PLBD1: variants seen among roughly 807,000 people sequenced by gnomAD.
PLBD1 encodes lysosomal leucine aminopeptidase.
PLBD1 carries 60 observed loss-of-function variants against 63.0 expected under a neutral mutation model. The observed-to-expected ratio is 0.95, with a 90% CI of 0.77 to 1.18. The LOEUF is 1.18. Ranked by LOEUF, PLBD1 falls within the 50% of genes most tolerant of loss-of-function variation. The pLI is 0.00. For synonymous variants in PLBD1, 262 were observed against 248.0 expected (o/e 1.06, Z -0.53); for missense variants, 598 against 677.9 (o/e 0.88, Z 1.31).
intron 6 of PLBD1, among the ~76,000 whole-genome samples, chr12:14,533,494 A>G (rs1945484239): frequency 6.6e-6 from 1 of 152,208 alleles, no homozygotes; most frequent in Non-Finnish European, 1.5e-5. Context: ...TCATAAGAAA[A>G]TCTTCCATGA....
chr12:14,530,829 TG>T lies in PLBD1; in HGVS notation c.844+4829del, dbSNP rs564358568. Among the ~76,000 whole-genome samples the T allele has an allele frequency of 7.7e-3, 1,170 of 152,300 alleles. 9 individuals carry two copies. Among genetic ancestry groups the T allele is most frequent in the Middle Eastern group, 0.024 (7 of 294 alleles). ...TGCATTGCCAAAATAAGTAAATGTG[TG>T]GGGAGGGCTAGTGCAAGGCTTCTCC... On this transcript the variant is annotated intron_variant, in intron 6 of 10. Transcript: ENST00000240617.
chr12:14,528,939 C>G (rs1945438824), intron 6 of PLBD1, among the ~76,000 whole-genome samples: 1 of 152,064 alleles, frequency 6.6e-6, no homozygotes, highest in African/African-American at 2.4e-5. Flanking sequence ...TGAAATAGTT[C>G]TGTAGCAGTG....
intron 1 of PLBD1, among the ~76,000 whole-genome samples, chr12:14,566,258 G>C (rs1273631735): frequency 6.6e-6 from 1 of 152,156 alleles, no homozygotes; most frequent in African/African-American, 2.4e-5. Context: ...AAAATCACGA[G>C]TCAGGAGCCT....
At chr12:14,537,229 C>T (rs1592003219) in intron 4 of PLBD1, among the ~76,000 whole-genome samples, 2 of 152,038 alleles carry the variant, frequency 1.3e-5, no homozygotes, top group Admixed American at 1.3e-4. Flanking sequence ...TTTGATAGCC[C>T]CAGAATTTGG....
intron 10 of PLBD1, 38 bp from the exon 11 acceptor site, chr12:14,503,992 T>C (rs1945227242): frequency 3.2e-6 from 5 of 1,555,220 alleles, no homozygotes; most frequent in Middle Eastern, 1.7e-4. Context: ...TAGAAAATCA[T>C]CGTTCAGCAA....
intron 5 of PLBD1, 57 bp downstream of exon 5, chr12:14,536,513 T>G (rs112136886): frequency 0.012 from 19,177 of 1,582,780 alleles, 294 homozygotes; most frequent in African/African-American, 0.072. Context: ...ACTTGGGCGC[T>G]ATATAGAAAA....
chr12:14,542,522 GTTA>G (rs1459579672), intron 2 of PLBD1, among the ~76,000 whole-genome samples: 5 of 151,844 alleles, frequency 3.3e-5, no homozygotes, highest in African/African-American at 1.2e-4. Flanking sequence ...ACTTTATTAA[GTTA>G]TTATATTTTG....
At chr12:14,506,073 G>A (rs1040985749) in intron 10 of PLBD1, 89 bp downstream of exon 10, 6 of 791,948 alleles carry the variant, frequency 7.6e-6, no homozygotes, top group Non-Finnish European at 7.9e-6. Context: ...TAGCGACATC[G>A]CTTCCTGCCA....
intron 8 of PLBD1, 34 bp from the exon 9 acceptor site, chr12:14,507,152 T>TTGAC: frequency 6.7e-7 from 1 of 1,493,410 alleles, no homozygotes; most frequent in Non-Finnish European, 9.2e-7. Flanking sequence ...AAGGGAGGGA[T>TTGAC]TGACAGGGAA....
chr12:14,542,517 ATTAAG>A (rs553887574), intron 2 of PLBD1, among the ~76,000 whole-genome samples: 94 of 152,212 alleles, frequency 6.2e-4, no homozygotes, highest in Non-Finnish European at 1.3e-3. Flanking sequence ...GCTCAACTTT[ATTAAG>A]TTATTATATT....
chr12:14,511,702 T>A lies in PLBD1; in HGVS notation c.854A>T (p.Glu285Val). 1 of 1,613,862 alleles carries A rather than the reference T, an allele frequency of 6.2e-7. No homozygotes were observed. The highest frequency in any genetic ancestry group is 8.5e-7 in the Non-Finnish European group (1 of 1,179,858). ...AAGAATGTAAAAATCATCCAGAGAC[T>A]CCAAAAACCCTACAGGAAAGACAAA... is the stretch of plus-strand genomic sequence containing the variant. ...LSFSSYPGFL[E>V]SLDDFYILSS... The change falls in exon 7 of 11, where the codon GAG (glutamate) becomes GTG (valine). Residue 285 changes from glutamate to valine, a missense_variant. Physicochemically the swap from Glu to Val is moderately radical, Grantham distance 121. Transcript: ENST00000240617.
intron 1 of PLBD1, among the ~76,000 whole-genome samples, chr12:14,565,620 CT>C (rs1565582851): frequency 6.6e-6 from 1 of 152,236 alleles, no homozygotes; most frequent in East Asian, 1.9e-4. Flanking sequence ...GGGTACTGAG[CT>C]GGGTACTTCA....
chr12:14,515,073 C>A lies in PLBD1; in HGVS notation c.845-3362G>T, dbSNP rs1194961356. The stretch of plus-strand genomic sequence containing the variant: ...CCTATTTCAAGACTTAAAAAAAACA[C>A]CAAACTGCAGAAATAAACAGTAACC... On this transcript the variant is annotated intron_variant, in intron 6 of 10. Transcript: ENST00000240617. Among the ~76,000 whole-genome samples the A allele has an allele frequency of 3.9e-5, 6 of 152,158 alleles. No individual in the cohort carries two copies. In the East Asian group the frequency reaches 1.2e-3, roughly 29 times the overall value.
chr12:14,535,291 A>G (rs1945504095), intron 6 of PLBD1, among the ~76,000 whole-genome samples: 1 of 152,208 alleles, frequency 6.6e-6, no homozygotes, highest in South Asian at 2.1e-4. Flanking sequence ...AAGAAACACT[A>G]CACGCCCTCA....
chr12:14,546,888 T>C (rs1168282650), intron 2 of PLBD1, among the ~76,000 whole-genome samples: 1 of 152,140 alleles, frequency 6.6e-6, no homozygotes, highest in Non-Finnish European at 1.5e-5. Context: ...TTTTTCTTTT[T>C]TCTTTTTTTT....
At chr12:14,511,797 A>C in intron 6 of PLBD1, 86 bp from the exon 7 acceptor site, 1 of 1,285,620 alleles carries the variant, frequency 7.8e-7, no homozygotes, top group Non-Finnish European at 1.1e-6. Context: ...TACATACACA[A>C]TGCATTTTGC....
chr12:14,538,438 C>T (rs1403937289), intron 4 of PLBD1, among the ~76,000 whole-genome samples: 1 of 152,146 alleles, frequency 6.6e-6, no homozygotes, highest in Non-Finnish European at 1.5e-5. Flanking sequence ...AGGTGATCCA[C>T]CCACCTTGGC....
intron 1 of PLBD1, among the ~76,000 whole-genome samples, chr12:14,561,506 C>A (rs1945741962): frequency 1.3e-5 from 2 of 152,094 alleles, no homozygotes; most frequent in Admixed American, 1.3e-4. Flanking sequence ...GTATCCACTC[C>A]CTTGGGCCTA....
intron 1 of PLBD1, 133 bp downstream of exon 1, chr12:14,567,449 G>C (rs1945799797): frequency 1.6e-6 from 2 of 1,261,150 alleles, no homozygotes; most frequent in African/African-American, 1.6e-5. Context: ...GCCGGCCGGA[G>C]GCGCGTTTCT....
Sources: allele counts gnomAD v4.1 joint callset (sites outside exome capture counted in the v4.1 genomes callset), GRCh38; gene constraint gnomAD v4.1.1; transcripts MANE v1.5; gene names NCBI Gene and HGNC (gene_info 2026-07-23, HGNC 2026-07-21).